Variants in USP39 observed in about 807,000 individuals in gnomAD.
USP39 encodes the protein ubiquitin carboxyl-terminal hydrolase 39.
A neutral mutation model predicts 66.4 loss-of-function variants in USP39; 38 were observed. The ratio of observed to expected loss-of-function variants is 0.57; its 90% CI spans 0.44 to 0.75. USP39 has a LOEUF of 0.75. Among genes scored for constraint, USP39 ranks in the 30% least tolerant of loss-of-function variants. The pLI is 0.00. For missense variants in USP39, 608 were observed against 714.4 expected, an observed-to-expected ratio of 0.85 and a Z score of 1.70; for synonymous variants, 303 against 274.6, an observed-to-expected ratio of 1.10 and a Z score of -1.02.
upstream of USP39, chr2:85,611,833 C>A (rs749701835): frequency 1.4e-5 from 23 of 1,605,484 alleles, no homozygotes; most frequent in South Asian, 2.4e-4. Context: ...CCGGGCCAGG[C>A]CAGGCCAGGA....
intron 10 of USP39, among the ~76,000 whole-genome samples, chr2:85,642,316 T>A (rs2104348503): frequency 6.6e-6 from 1 of 152,336 alleles, no homozygotes; most frequent in Non-Finnish European, 1.5e-5. Context: ...TCTGCCTCCT[T>A]GAGTAGGATG....
At position 85,633,010 on chromosome 2, in the gene USP39, G is replaced by A. The variant is rs139297904; in HGVS notation, c.949+2064G>A. Among the ~76,000 whole-genome samples the A allele has an allele frequency of 4.1e-3, 625 of 152,274 alleles. 4 individuals are homozygous for A. The highest frequency in any genetic ancestry group is 0.014 in the African/African-American group (596 of 41,554). The stretch of plus-strand genomic sequence containing the variant: ...CAAGTAGCTGGACCCTTGGACTCCT[G>A]GGGTCAGTGGAGAGCCAAGGTGTAG... On this transcript the variant is annotated intron_variant, in intron 6 of 12. Coordinates refer to ENST00000323701, the MANE Select transcript of USP39 (RefSeq NM_006590.4).
chr2:85,625,685 C>T lies in USP39; in HGVS notation c.717C>T (p.Val239=). ...AGGCCAATGATTATGCCAACGCTGT[C>T]CTTCAGGTAAGATCAAGACGGGAAC... The part of the protein sequence containing the change: ...NIKANDYANA[V]LQALSNVPPL... The change falls in exon 5 of 13, where the codon GTC becomes GTT. Residue 239 remains valine, a synonymous_variant. Coordinates refer to ENST00000323701, the MANE Select transcript of USP39 (RefSeq NM_006590.4). 1 of 1,612,600 alleles carries T rather than the reference C, an allele frequency of 6.2e-7. No individual in the cohort carries two copies. Among genetic ancestry groups the T allele is most frequent in the Non-Finnish European group, 8.5e-7 (1 of 1,179,028 alleles).
In USP39 at chr2:85,648,774, G is replaced by A. The variant is rs369097755; in HGVS notation, c.1664G>A (p.Arg555Gln). The A allele has an allele frequency of 1.7e-5, 28 of 1,613,996 alleles. No homozygotes were observed. In the South Asian group the frequency reaches 2.6e-4, roughly 15 times the overall value. ...CATTTCTTACAGATTTGGAAGAGGC[G>A]AGATAATGATGAAACCAACCAGCAG... ...SEAYIQIWKR[R>Q]DNDETNQQGA is the part of the protein sequence containing the mutation. The change falls in exon 13 of 13, where the codon CGA (arginine) becomes CAA (glutamine). Residue 555 changes from arginine (R) to glutamine (Q), a missense_variant. Arg to Gln is a conservative substitution (Grantham distance 43). Coordinates refer to ENST00000323701, the MANE Select transcript of USP39 (RefSeq NM_006590.4).
At chr2:85,615,335 A>C (rs1458792309), upstream of USP39, among the ~76,000 whole-genome samples, 1 of 152,096 alleles carries the variant, frequency 6.6e-6, no homozygotes, top group Non-Finnish European at 1.5e-5. Context: ...TGCACACTTT[A>C]AACATGTAGT....
chr2:85,604,632 A>G (rs1297556636), intron 1 of USP39, among the ~76,000 whole-genome samples: 1 of 152,230 alleles, frequency 6.6e-6, no homozygotes, highest in African/African-American at 2.4e-5. Flanking sequence ...GATAAAATCC[A>G]GCTCACCTGC....
intron 1 of USP39, among the ~76,000 whole-genome samples, chr2:85,605,092 G>A (rs956018332): frequency 1.3e-5 from 2 of 152,064 alleles, no homozygotes; most frequent in African/African-American, 4.8e-5. Context: ...ACATGAGTCT[G>A]TCTAGTTGTT....
chr2:85,611,081 A>T (rs542206514), upstream of USP39: 1 of 232,976 alleles, frequency 4.3e-6, no homozygotes, highest in African/African-American at 2.4e-5. Context: ...TCTCTACAAG[A>T]AATACCAAAA....
Position 85,625,486 on chromosome 2 carries a change from A to G in USP39, c.571-53A>G. On this transcript the variant is annotated intron_variant, in intron 4 of 12. Coordinates refer to ENST00000323701, the MANE Select transcript of USP39 (RefSeq NM_006590.4). Reference sequence around the variant, plus strand: ...TTTTGTAGAAATTACTGTTACAGACATTTCTTGTGAACTCAGCTCTTAAAC... The same window carrying G: ...TTTTGTAGAAATTACTGTTACAGACGTTTCTTGTGAACTCAGCTCTTAAAC... 5 of 1,605,994 alleles carry G rather than the reference A, an allele frequency of 3.1e-6. No individual in the cohort carries two copies. The South Asian group carries it at 3.3e-5, about 11-fold the overall frequency.
upstream of USP39, chr2:85,607,295 G>A (rs933110038): frequency 1.3e-5 from 2 of 152,240 alleles, no homozygotes; most frequent in African/African-American, 2.4e-5. Flanking sequence ...GGAAGAACAG[G>A]GGTGGAGTTT....
At chr2:85,635,980 C>A in intron 6 of USP39, 73 bp from the exon 7 acceptor site, 1 of 1,437,016 alleles carries the variant, frequency 7.0e-7, no homozygotes, top group Non-Finnish European at 9.8e-7. Flanking sequence ...CCAGGAATGC[C>A]AACCAGTGCA....
intron 5 of USP39, among the ~76,000 whole-genome samples, chr2:85,629,313 G>A (rs376812297): frequency 6.6e-6 from 1 of 151,844 alleles, no homozygotes. Flanking sequence ...CGCCCACCTT[G>A]GCCTCCCAAA....
chr2:85,611,979 C>A, upstream of USP39: 1 of 1,538,574 alleles, frequency 6.5e-7, no homozygotes. Context: ...GCGGCCCCGC[C>A]TCCATCAGGA....
upstream of USP39, chr2:85,612,147 G>C: frequency 1.2e-6 from 1 of 858,768 alleles, no homozygotes; most frequent in African/African-American, 1.7e-5. Context: ...CGGAGTTTTC[G>C]GGTCTGGTCG....
chr2:85,632,248 C>T (rs891268783), intron 6 of USP39, among the ~76,000 whole-genome samples: 1 of 151,964 alleles, frequency 6.6e-6, no homozygotes, highest in Non-Finnish European at 1.5e-5. Context: ...AACTCCCAGT[C>T]TGGTGGGGAA....
chr2:85,625,300 C>T (rs780441477), intron 4 of USP39, among the ~76,000 whole-genome samples: 2 of 152,068 alleles, frequency 1.3e-5, no homozygotes, highest in Admixed American at 1.3e-4. Flanking sequence ...CTGAGGTCGG[C>T]GAAAAGACCT....
Position 85,625,646 on chromosome 2 carries a change from A to C in USP39, c.678A>C (p.Gly226=). The change falls in exon 5 of 13, where the codon GGA becomes GGC. Residue 226 remains glycine, a synonymous_variant. Coordinates refer to ENST00000323701, the MANE Select transcript of USP39 (RefSeq NM_006590.4). ...CCACTTACCTGCCGGGTATTGTGGGACTGAATAACATAAAGGCCAATGATT... is the reference window on the plus strand; with the variant it reads ...CCACTTACCTGCCGGGTATTGTGGGCCTGAATAACATAAAGGCCAATGATT... The part of the protein sequence containing the change: ...DGTTYLPGIV[G]LNNIKANDYA... The C allele has an allele frequency of 6.2e-7, 1 of 1,613,914 alleles. No individual in the cohort carries two copies. The highest frequency in any genetic ancestry group is 1.1e-5 in the South Asian group (1 of 91,074).
chr2:85,617,985 C>G (rs1424502519), intron 1 of USP39, among the ~76,000 whole-genome samples: 2 of 148,600 alleles, frequency 1.3e-5, no homozygotes, highest in Non-Finnish European at 3.0e-5. Context: ...GACAGTTTCA[C>G]TCTTGTTGTC....
upstream of USP39, chr2:85,609,147 C>T: frequency 6.4e-7 from 1 of 1,559,250 alleles, no homozygotes; most frequent in Non-Finnish European, 8.7e-7. Context: ...AACACTCTCA[C>T]AGAACTCCAT....
Sources: allele counts gnomAD v4.1 joint callset (sites outside exome capture counted in the v4.1 genomes callset), GRCh38; gene constraint gnomAD v4.1.1; transcripts MANE v1.5; gene names NCBI Gene and HGNC (gene_info 2026-07-23, HGNC 2026-07-21).